The following ZNF559 variants were observed in gnomAD, a reference collection of about 807,000 sequenced individuals.
ZNF559 encodes the protein putative protein product of Nbla00121.
Under a neutral mutation model 14.2 loss-of-function variants are expected in ZNF559, and 17 were observed. The observed-to-expected ratio is 1.20, with a 90% CI of 0.82 to 1.80. ZNF559 has a LOEUF of 1.80. Ranked by LOEUF, ZNF559 falls within the 40% of genes most tolerant of loss-of-function variation. The pLI is 0.00. For missense variants in ZNF559, 740 were observed against 629.7 expected, an observed-to-expected ratio of 1.18 and a Z score of -1.88; for synonymous variants, 244 against 212.4, an observed-to-expected ratio of 1.15 and a Z score of -1.29.
chr19:9,337,526 A>C (rs2067306543), intron 2 of ZNF559, among the ~76,000 whole-genome samples: 1 of 152,188 alleles, frequency 6.6e-6, no homozygotes, highest in Non-Finnish European at 1.5e-5. Context: ...GAATAAGAAG[A>C]ACCTCAGGAG....
In ZNF559 at chr19:9,342,720, T is replaced by G. The variant is rs2067639597; in HGVS notation, c.1269T>G (p.Phe423Leu). The G allele has an allele frequency of 1.2e-6, 2 of 1,614,166 alleles. No individual in the cohort carries two copies. Among genetic ancestry groups the G allele is most frequent in the South Asian group, 2.2e-5 (2 of 91,086 alleles). Residue 423 changes from phenylalanine to leucine, a missense_variant, in exon 7 of 7, where the codon TTT becomes TTG. Phe to Leu is a conservative substitution (Grantham distance 22). Transcript: ENST00000603380. Reference protein sequence around the residue: ...QCGKAFIRSSFLIRHLRSHSA... With the variant: ...QCGKAFIRSSLLIRHLRSHSA... The stretch of plus-strand genomic sequence containing the variant: ...GGAAAGCCTTCATTCGATCCTCATT[T>G]CTTATTCGACATTTGAGAAGTCACA...
In ZNF559 at chr19:9,342,329, G is replaced by A; in HGVS notation, c.878G>A (p.Arg293Lys). 6.2e-7 allele frequency: 1 copy of A among 1,602,238 alleles called. No homozygotes were observed. Among genetic ancestry groups the A allele is most frequent in the Non-Finnish European group, 8.5e-7 (1 of 1,175,638 alleles). The change falls in exon 7 of 7, where the codon AGA becomes AAA. Residue 293 changes from arginine (R) to lysine (K), a missense_variant. Coordinates refer to ENST00000603380, the MANE Select transcript of ZNF559 (RefSeq NM_032497.3). ...GCTAAACATATAAGACTTAGAACTAGAGGAAAACACTATGTTTGTAATGAA... is the reference window on the plus strand; with the variant it reads ...GCTAAACATATAAGACTTAGAACTAAAGGAAAACACTATGTTTGTAATGAA... ...DLAKHIRLRT[R>K]GKHYVCNECG...
intron 6 of ZNF559, 142 bp downstream of exon 6, chr19:9,341,326 CT>C (rs1568367292): frequency 7.0e-6 from 6 of 851,376 alleles, no homozygotes; most frequent in Non-Finnish European, 1.2e-5. Context: ...CTTGGAGAGA[CT>C]ATGGATCATG....
chr19:9,325,581 A>G (rs925613271), intron 2 of ZNF559, among the ~76,000 whole-genome samples: 1 of 152,182 alleles, frequency 6.6e-6, no homozygotes, highest in African/African-American at 2.4e-5. Flanking sequence ...TCACGAGGTC[A>G]GGAGTTTGAG....
At chr19:9,324,526 C>A in intron 1 of ZNF559, 169 bp from the exon 2 acceptor site, 1 of 1,273,502 alleles carries the variant, frequency 7.9e-7, no homozygotes, top group Non-Finnish European at 1.0e-6. Context: ...GGCGCGGCGG[C>A]TCACGCCTGT....
chr19:9,327,308 C>T (rs895618077), intron 2 of ZNF559, among the ~76,000 whole-genome samples: 1 of 151,678 alleles, frequency 6.6e-6, no homozygotes, highest in South Asian at 2.1e-4. Context: ...AGTACAGTGG[C>T]GTGATCTTGG....
rs979285759 is a variant in ZNF559 at position 9,343,537 on chromosome 19, G to A, written c.*469G>A. 8 of 992,646 alleles carry A rather than the reference G, an allele frequency of 8.1e-6. No homozygotes were observed. Among genetic ancestry groups the A allele is most frequent in the Non-Finnish European group, 9.6e-6 (8 of 833,526 alleles). The allele number at this position is 992,646 out of a possible 1,614,324, so 61.5% of individuals were successfully genotyped here. A position where few individuals can be genotyped will look rare whatever the true frequency, so the allele number is the denominator to read the frequency against. On this transcript the variant is annotated 3_prime_UTR_variant, in exon 7 of 7. Transcript: ENST00000603380. ...TTAATATTCAGCTGTGATCTCACAAGTGTGAAAAATCTTATGAATGTAAAA... is the reference window on the plus strand; with the variant it reads ...TTAATATTCAGCTGTGATCTCACAAATGTGAAAAATCTTATGAATGTAAAA...
chr19:9,337,454 C>T (rs547989717), intron 2 of ZNF559, among the ~76,000 whole-genome samples: 1 of 152,206 alleles, frequency 6.6e-6, no homozygotes, highest in Admixed American at 6.5e-5. Context: ...TTTGGGCAAC[C>T]CAGGCCTGTT....
At position 9,342,831 on chromosome 19, in the gene ZNF559, A is replaced by G. The variant is rs749108739; in HGVS notation, c.1380A>G (p.Thr460=). The part of the protein sequence containing the change: ...SHLSQHKRIH[T]GERPYKCQKC... Reference sequence around the variant, plus strand: ...TTAGTCAACATAAAAGAATACATACAGGGGAGAGGCCATATAAATGTCAAA... The same window carrying G: ...TTAGTCAACATAAAAGAATACATACGGGGGAGAGGCCATATAAATGTCAAA... The change falls in exon 7 of 7, where the codon ACA becomes ACG. Residue 460 remains threonine (T), a synonymous_variant. Transcript: ENST00000603380. The G allele has an allele frequency of 1.4e-5, 22 of 1,613,554 alleles. No individual in the cohort carries two copies. Among genetic ancestry groups the G allele is most frequent in the East Asian group, 4.5e-5 (2 of 44,782 alleles).
In ZNF559 at chr19:9,337,876, CACT is replaced by C. The variant is rs2067325904; in HGVS notation, c.-57+25_-57+27del. On this transcript the variant is annotated intron_variant, in intron 3 of 6. Transcript: ENST00000603380. ...GATTGACGGTATGAGGCAAGACTCC[CACT>C]ACTACTTAATCAAGAGGAATTGAGA... 1 of 1,524,906 alleles carries C rather than the reference CACT, an allele frequency of 6.6e-7. No individual in the cohort carries two copies. Among genetic ancestry groups the C allele is most frequent in the East Asian group, 2.5e-5 (1 of 40,738 alleles). 94.5% of individuals were successfully genotyped at this position (1,524,906 alleles called of 1,614,324 possible). A position where few individuals can be genotyped will look rare whatever the true frequency, so the allele number is the denominator to read the frequency against.
At position 9,344,483 on chromosome 19, in the gene ZNF559, GAATA is replaced by G. The variant is rs925164702; in HGVS notation, c.*1421_*1424del. 2 of 151,988 alleles carry G rather than the reference GAATA, an allele frequency of 1.3e-5. No homozygotes were observed. Among genetic ancestry groups the G allele is most frequent in the African/African-American group, 2.4e-5 (1 of 41,354 alleles). The allele number at this position is 151,988 out of a possible 1,614,324, so 9.4% of individuals were successfully genotyped here. ...TATAGTGAAACCTCATCTTGACAAA[GAATA>G]AATAAGATTAACTGGGTGTACTGGT... On this transcript the variant is annotated 3_prime_UTR_variant, in exon 7 of 7. Coordinates refer to ENST00000603380, the MANE Select transcript of ZNF559 (RefSeq NM_032497.3).
Position 9,342,723 on chromosome 19 carries a change from T to C in ZNF559, c.1272T>C (p.Leu424=), listed in dbSNP as rs2067639764. The part of the protein sequence containing the change: ...CGKAFIRSSF[L]IRHLRSHSAE... ...AAGCCTTCATTCGATCCTCATTTCT[T>C]ATTCGACATTTGAGAAGTCACAGTG... The change falls in exon 7 of 7, where the codon CTT becomes CTC. Residue 424 remains leucine, a synonymous_variant. Transcript: ENST00000603380. The C allele has an allele frequency of 2.5e-6, 4 of 1,614,204 alleles. No homozygotes were observed. Among genetic ancestry groups the C allele is most frequent in the African/African-American group, 2.7e-5 (2 of 75,070 alleles).
upstream of ZNF559, chr19:9,324,109 CG>C: frequency 6.6e-7 from 1 of 1,514,830 alleles, no homozygotes; most frequent in Non-Finnish European, 8.9e-7. Context: ...CTGATGGGCC[CG>C]GGAACCCGAG....
intron 2 of ZNF559, among the ~76,000 whole-genome samples, chr19:9,326,006 C>T (rs1180463302): frequency 6.6e-6 from 1 of 152,048 alleles, no homozygotes; most frequent in Non-Finnish European, 1.5e-5. Context: ...CAGATTTCCC[C>T]AGCTGTCCAA....
At chr19:9,340,245 G>T (rs1307672221) in intron 5 of ZNF559, among the ~76,000 whole-genome samples, 2 of 152,084 alleles carry the variant, frequency 1.3e-5, no homozygotes, top group Non-Finnish European at 1.5e-5. Flanking sequence ...GTGAGAAACA[G>T]CCCTGATCTA....
Position 9,342,121 on chromosome 19 carries a change from C to A in ZNF559, c.670C>A (p.His224Asn). ...THKEYVETFS[H>N]STALFVHMQT... Reference sequence around the variant, plus strand: ...TAAGGAGTATGTCGAAACCTTTTCTCATTCTACAGCCCTTTTTGTACACAT... The same window carrying A: ...TAAGGAGTATGTCGAAACCTTTTCTAATTCTACAGCCCTTTTTGTACACAT... Residue 224 changes from histidine (H) to asparagine (N), a missense_variant, in exon 7 of 7, where the codon CAT (histidine) becomes AAT (asparagine). His to Asn is a moderately conservative substitution (Grantham distance 68). Coordinates refer to ENST00000603380, the MANE Select transcript of ZNF559 (RefSeq NM_032497.3). The A allele has an allele frequency of 6.2e-7, 1 of 1,613,494 alleles. No homozygotes were observed. The highest frequency in any genetic ancestry group is 1.1e-5 in the South Asian group (1 of 90,886).
At chr19:9,324,071 A>G (rs1466298910), upstream of ZNF559, 2 of 1,317,948 alleles carry the variant, frequency 1.5e-6, no homozygotes, top group Non-Finnish European at 2.1e-6. Context: ...ATTTCCTCTC[A>G]GCTCTGGGTT....
chr19:9,324,216 GTTGGC>G lies in ZNF559; in HGVS notation c.-217_-213del. On this transcript the variant is annotated 5_prime_UTR_variant, in exon 1 of 7. It removes the in-frame stop codon of an upstream open reading frame in the 5' UTR. Transcript: ENST00000603380. ...GCCGCCATCTTAACAGCGCGTTCCC[GTTGGC>G]GTCTGAGGTAAGTTTTTGTTTCTGG... The G allele has an allele frequency of 6.5e-7, 1 of 1,536,120 alleles. No individual in the cohort carries two copies. Among genetic ancestry groups the G allele is most frequent in the Non-Finnish European group, 8.7e-7 (1 of 1,146,890 alleles).
chr19:9,338,062 C>T, intron 3 of ZNF559: 1 of 1,490,550 alleles, frequency 6.7e-7, no homozygotes, highest in Non-Finnish European at 9.0e-7. Flanking sequence ...TTTAACCAGT[C>T]TGTGAACAGC....
Sources: allele counts gnomAD v4.1 joint callset (sites outside exome capture counted in the v4.1 genomes callset), GRCh38; gene constraint gnomAD v4.1.1; transcripts MANE v1.5; gene names NCBI Gene and HGNC (gene_info 2026-07-23, HGNC 2026-07-21).